CDKL1: variants seen among roughly 807,000 people sequenced by gnomAD.
CDKL1 encodes cyclin dependent kinase like 1.
Under a neutral mutation model 42.0 loss-of-function variants are expected in CDKL1, and 41 were observed. The observed-to-expected ratio is 0.98, with a 90% CI of 0.76 to 1.27. CDKL1 has a LOEUF of 1.27. Among genes scored for constraint, CDKL1 ranks in the 50% most tolerant of loss-of-function variants. CDKL1 has a pLI of 0.00. For synonymous variants in CDKL1, 153 were observed against 158.6 expected (o/e 0.96, Z 0.26); for missense variants, 394 against 428.4 (o/e 0.92, Z 0.71).
intron 3 of CDKL1, among the ~76,000 whole-genome samples, chr14:50,356,069 A>G (rs2034047769): frequency 6.6e-6 from 1 of 152,216 alleles, no homozygotes; most frequent in Admixed American, 6.5e-5. Flanking sequence ...AAGTGATCAC[A>G]GGACATTCTG....
At chr14:50,349,009 A>G (rs1203876805) in intron 3 of CDKL1, among the ~76,000 whole-genome samples, 2 of 152,176 alleles carry the variant, frequency 1.3e-5, no homozygotes, top group Non-Finnish European at 2.9e-5. Context: ...ATAACAAAAC[A>G]ATTCAAAAAT....
intron 3 of CDKL1, chr14:50,357,986 C>A (rs753356526): frequency 2.4e-6 from 3 of 1,240,168 alleles, no homozygotes; most frequent in South Asian, 2.4e-5. Flanking sequence ...AAACACCCAG[C>A]TGAGGAGTGG....
At chr14:50,341,270 G>C in intron 5 of CDKL1, 38 bp from the exon 6 acceptor site, 1 of 1,551,468 alleles carries the variant, frequency 6.4e-7, no homozygotes, top group Non-Finnish European at 8.7e-7. Context: ...AACAGCAGCG[G>C]AAGGCTGGAA....
intron 3 of CDKL1, chr14:50,358,162 G>C: frequency 7.6e-7 from 1 of 1,315,680 alleles, no homozygotes; most frequent in Middle Eastern, 2.1e-4. Flanking sequence ...GAGCTGTGTG[G>C]TAAGATCAGC....
chr14:50,334,663 C>A, intron 7 of CDKL1, 42 bp from the exon 8 acceptor site: 2 of 1,145,314 alleles, frequency 1.7e-6, no homozygotes, highest in South Asian at 1.2e-5. Flanking sequence ...AGCATGTATT[C>A]AAATTAAGGT....
chr14:50,348,520 C>G (rs1300100672), intron 3 of CDKL1, among the ~76,000 whole-genome samples: 1 of 152,202 alleles, frequency 6.6e-6, no homozygotes, highest in Non-Finnish European at 1.5e-5. Context: ...TTCCCCACCC[C>G]TCTTCCCTCA....
Position 50,330,124 on chromosome 14 carries a change from T to A in CDKL1, c.1024A>T (p.Lys342Ter), listed in dbSNP as rs774408715. The stretch of plus-strand genomic sequence containing the variant: ...AGTTTCTTGGTATCACAGTAGTACT[T>A]CTTATTATCCAAAGCTGGAAGGATG... The part of the protein sequence containing the change: ...SSILPALDNK[K>*]YYCDTKKLNY... The change falls in exon 10 of 10, where the codon AAG (lysine) becomes TAG (stop). Residue 342 changes from lysine (K) to a stop codon, truncating the protein, a stop_gained. Transcript: ENST00000395834. LOFTEE classifies it high-confidence loss of function. The A allele has an allele frequency of 3.7e-6, 6 of 1,609,810 alleles. No homozygotes were observed. The highest frequency in any genetic ancestry group is 3.4e-5 in the Admixed American group (2 of 58,636).
At chr14:50,362,172 C>G (rs1485434476) in intron 2 of CDKL1, 1 of 231,564 alleles carries the variant, frequency 4.3e-6, no homozygotes, top group South Asian at 3.6e-5. Context: ...CCCTCCCCAC[C>G]CCCCCACCCC....
chr14:50,386,122 G>C (rs117513856), intron 2 of CDKL1, among the ~76,000 whole-genome samples: 112 of 152,158 alleles, frequency 7.4e-4, no homozygotes, highest in Non-Finnish European at 5.6e-4. Flanking sequence ...GAAAGAGAGA[G>C]AGAGAGGCAG....
chr14:50,365,430 GATC>G, intron 2 of CDKL1, among the ~76,000 whole-genome samples: 1 of 152,100 alleles, frequency 6.6e-6, no homozygotes. Context: ...ATAGAAAGAT[GATC>G]ATTAATACTA....
At chr14:50,370,669 GC>G (rs1489294813) in intron 2 of CDKL1, among the ~76,000 whole-genome samples, 2 of 152,166 alleles carry the variant, frequency 1.3e-5, no homozygotes, top group African/African-American at 4.8e-5. Flanking sequence ...GCTGGCATCT[GC>G]TTAGCTTCTA....
chr14:50,369,188 T>A (rs751518626), intron 2 of CDKL1, among the ~76,000 whole-genome samples: 2 of 152,084 alleles, frequency 1.3e-5, no homozygotes, highest in African/African-American at 2.4e-5. Flanking sequence ...CCAGGAAATG[T>A]TACTTTAAAA....
Position 50,332,316 on chromosome 14 carries a change from TGTTG to T in CDKL1, c.908_911del (p.Pro303GlnfsTer5), listed in dbSNP as rs747260360. 7.7e-5 allele frequency: 125 copies of T among 1,614,084 alleles called. No homozygotes were observed. Among genetic ancestry groups the T allele is most frequent in the Non-Finnish European group, 1.0e-4 (118 of 1,180,042 alleles). On this transcript the variant is annotated frameshift_variant, in exon 9 of 10. Coordinates refer to ENST00000395834, the MANE Select transcript of CDKL1 (RefSeq NM_004196.7). LOFTEE classifies it high-confidence loss of function. ...TTCGGCTCTTTCTTAGGGTCTTCCTTGTTGGTTTGTTGTGTTCTTTTGCCAAATC... is the reference window on the plus strand; with the variant it reads ...TTCGGCTCTTTCTTAGGGTCTTCCTTGTTTGTTGTGTTCTTTTGCCAAATC...
rs1398217707 is a variant in CDKL1, at chr14:50,326,557, TC to T, written c.*3516del. ...TTCCCATGATCCTGCATTCTTGTGT[TC>T]TTGATAGCATACAGACTTACTCAGA... On this transcript the variant is annotated 3_prime_UTR_variant, in exon 10 of 10. Coordinates refer to ENST00000395834, the MANE Select transcript of CDKL1 (RefSeq NM_004196.7). The T allele has an allele frequency of 2.0e-6, 2 of 985,450 alleles. No homozygotes were observed. The highest frequency in any genetic ancestry group is 2.4e-6 in the Non-Finnish European group (2 of 829,930). 61.0% of individuals were successfully genotyped at this position (985,450 alleles called of 1,614,324 possible).
intron 8 of CDKL1, 188 bp from the exon 9 acceptor site, chr14:50,332,620 T>C (rs7141289): frequency 0.58 from 863,254 of 1,498,194 alleles, 249,686 homozygotes; most frequent in East Asian, 0.61. Flanking sequence ...ATTAAATAAA[T>C]AGTTTCTAGA....
chr14:50,387,879 TC>T (rs1266561070), intron 2 of CDKL1, among the ~76,000 whole-genome samples: 3 of 152,170 alleles, frequency 2.0e-5, no homozygotes, highest in African/African-American at 7.2e-5. Context: ...CACAGGATTT[TC>T]CACTGAGGTG....
At chr14:50,389,717 C>T (rs1454486353) in intron 2 of CDKL1, among the ~76,000 whole-genome samples, 5 of 152,258 alleles carry the variant, frequency 3.3e-5, no homozygotes, top group African/African-American at 9.6e-5. Flanking sequence ...ATGGAAAGAA[C>T]GGCTGTTCAG....
At chr14:50,333,794 A>G (rs909463176) in intron 8 of CDKL1, 1 of 152,052 alleles carries the variant, frequency 6.6e-6, no homozygotes, top group Non-Finnish European at 1.5e-5. Flanking sequence ...ATCAGTAAAT[A>G]AATAATTTTT....
chr14:50,369,046 T>C (rs564118161), intron 2 of CDKL1, among the ~76,000 whole-genome samples: 1 of 151,954 alleles, frequency 6.6e-6, no homozygotes, highest in African/African-American at 2.4e-5. Context: ...TTTGTATTTT[T>C]AGTAGAGACA....
Sources: allele counts gnomAD v4.1 joint callset (sites outside exome capture counted in the v4.1 genomes callset), GRCh38; gene constraint gnomAD v4.1.1; transcripts MANE v1.5; gene names NCBI Gene and HGNC (gene_info 2026-07-23, HGNC 2026-07-21).